LRFN2: variants seen among roughly 807,000 people sequenced by gnomAD.
The protein encoded by LRFN2 is leucine-rich repeat and fibronectin type-III domain-containing protein 2.
In LRFN2, 18 loss-of-function variants were observed where a neutral mutation model predicts 37.3. That is an observed-to-expected ratio of 0.48 (90% CI 0.33 to 0.72). The LOEUF is 0.72. Among genes scored for constraint, LRFN2 ranks in the 30% least tolerant of loss-of-function variants. The pLI is 0.02. For synonymous variants in LRFN2, 556 were observed against 466.6 expected, an observed-to-expected ratio of 1.19 and a Z score of -2.47; for missense variants, 1,006 against 1,060.7, an observed-to-expected ratio of 0.95 and a Z score of 0.72.
intron 1 of LRFN2, among the ~76,000 whole-genome samples, chr6:40,444,039 C>G (rs1244769984): frequency 6.6e-6 from 1 of 152,184 alleles, no homozygotes; most frequent in Non-Finnish European, 1.5e-5. Flanking sequence ...CTGATGCCCC[C>G]CAATGGCCAA....
intron 1 of LRFN2, among the ~76,000 whole-genome samples, chr6:40,522,313 T>A: frequency 6.6e-6 from 1 of 152,134 alleles, no homozygotes; most frequent in East Asian, 1.9e-4. Context: ...AGCAAGGAAG[T>A]TGGGGTATTT....
intron 1 of LRFN2, among the ~76,000 whole-genome samples, chr6:40,480,823 G>A (rs192185327): frequency 8.5e-5 from 13 of 152,250 alleles, no homozygotes; most frequent in Admixed American, 5.9e-4. Context: ...GAATACAAGC[G>A]CTCATTAAAT....
intron 2 of LRFN2, among the ~76,000 whole-genome samples, chr6:40,418,454 C>G (rs1404834520): frequency 6.6e-6 from 1 of 152,170 alleles, no homozygotes; most frequent in Non-Finnish European, 1.5e-5. Context: ...CCACCTCTGC[C>G]TTCCTATCAC....
In LRFN2 at chr6:40,438,713, T is replaced by C. The variant is rs1763755308; in HGVS notation, c.-18-5582A>G. 2.0e-5 allele frequency among the ~76,000 whole-genome samples: 3 copies of C among 152,098 alleles called. No homozygotes were observed. The South Asian group carries it at 6.2e-4, about 32-fold the overall frequency. On this transcript the variant is annotated intron_variant, in intron 1 of 2. Coordinates refer to ENST00000338305, the MANE Select transcript of LRFN2 (RefSeq NM_020737.3). ...CTGTTTGGCTACATGTGGGCACTTGTGTTTCCTGCTTGGGGTTGGGCCTGG... is the reference window on the plus strand; with the variant it reads ...CTGTTTGGCTACATGTGGGCACTTGCGTTTCCTGCTTGGGGTTGGGCCTGG...
intron 1 of LRFN2, among the ~76,000 whole-genome samples, chr6:40,578,844 C>G (rs1056997953): frequency 6.6e-6 from 1 of 152,142 alleles, no homozygotes; most frequent in Non-Finnish European, 1.5e-5. Context: ...ATAACCCACT[C>G]AAGTTCACAC....
chr6:40,540,180 T>A (rs1766525932), intron 1 of LRFN2, among the ~76,000 whole-genome samples: 1 of 152,202 alleles, frequency 6.6e-6, no homozygotes, highest in African/African-American at 2.4e-5. Context: ...TGTGCTTCAG[T>A]GTCCTTGTCA....
chr6:40,394,157 C>T (rs1581672056), intron 2 of LRFN2, among the ~76,000 whole-genome samples: 1 of 151,908 alleles, frequency 6.6e-6, no homozygotes, highest in African/African-American at 2.4e-5. Flanking sequence ...TGTGGCTGGT[C>T]CTCTCCTGCC....
intron 1 of LRFN2, among the ~76,000 whole-genome samples, chr6:40,553,625 C>A (rs909430569): frequency 1.3e-5 from 2 of 152,172 alleles, no homozygotes; most frequent in African/African-American, 2.4e-5. Flanking sequence ...CAGCACATAG[C>A]AAATGCTCAG....
chr6:40,443,196 C>G (rs1230055089), intron 1 of LRFN2, among the ~76,000 whole-genome samples: 1 of 152,120 alleles, frequency 6.6e-6, no homozygotes, highest in East Asian at 1.9e-4. Flanking sequence ...GGACAGAATC[C>G]TCACCTGTTG....
chr6:40,425,135 G>A (rs1476433422), intron 2 of LRFN2, among the ~76,000 whole-genome samples: 2 of 152,232 alleles, frequency 1.3e-5, no homozygotes, highest in East Asian at 3.9e-4. Flanking sequence ...GACAGGACAT[G>A]TGTCTAACAA....
chr6:40,557,206 A>G (rs1192638360), intron 1 of LRFN2, among the ~76,000 whole-genome samples: 3 of 152,224 alleles, frequency 2.0e-5, no homozygotes, highest in Non-Finnish European at 4.4e-5. Flanking sequence ...TGAGTCCAGC[A>G]CATGGCCCAC....
At chr6:40,567,681 A>T (rs1345908450) in intron 1 of LRFN2, among the ~76,000 whole-genome samples, 1 of 152,228 alleles carries the variant, frequency 6.6e-6, no homozygotes, top group Non-Finnish European at 1.5e-5. Context: ...AGCATTGACT[A>T]TGGACATGTT....
At chr6:40,402,782 A>T (rs1023087202) in intron 2 of LRFN2, among the ~76,000 whole-genome samples, 1 of 152,230 alleles carries the variant, frequency 6.6e-6, no homozygotes, top group African/African-American at 2.4e-5. Context: ...GGCAGTGGTT[A>T]ACTGAACTGC....
At chr6:40,531,220 G>C (rs1203387441) in intron 1 of LRFN2, among the ~76,000 whole-genome samples, 1 of 152,160 alleles carries the variant, frequency 6.6e-6, no homozygotes, top group Non-Finnish European at 1.5e-5. Context: ...ACAATATTTA[G>C]TCTTTGATGC....
chr6:40,428,628 A>G (rs1375504838), intron 2 of LRFN2, among the ~76,000 whole-genome samples: 1 of 152,196 alleles, frequency 6.6e-6, no homozygotes, highest in Non-Finnish European at 1.5e-5. Flanking sequence ...TTCAAATCAC[A>G]GCCCTGCCTC....
chr6:40,438,324 G>GGTGAGTGCCACCATAATTGCACAA (rs1763741809), intron 1 of LRFN2, among the ~76,000 whole-genome samples: 3 of 152,112 alleles, frequency 2.0e-5, no homozygotes, highest in Non-Finnish European at 2.9e-5. Flanking sequence ...AACCCCACAA[G>GGTGAGTGCCACCATAATTGCACAA]GTGAGTGCCA....
chr6:40,507,418 A>G (rs916211831), intron 1 of LRFN2, among the ~76,000 whole-genome samples: 3 of 152,198 alleles, frequency 2.0e-5, no homozygotes, highest in Non-Finnish European at 4.4e-5. Context: ...GTCTCGTTTA[A>G]TCTTCACAAT....
chr6:40,501,977 C>T (rs1426933882), intron 1 of LRFN2, among the ~76,000 whole-genome samples: 2 of 152,284 alleles, frequency 1.3e-5, no homozygotes, highest in African/African-American at 4.8e-5. Flanking sequence ...CACCCTGTAC[C>T]AAGCCCAGTG....
intron 1 of LRFN2, among the ~76,000 whole-genome samples, chr6:40,585,325 C>T (rs1056522069): frequency 5.3e-5 from 8 of 152,184 alleles, no homozygotes; most frequent in Non-Finnish European, 1.2e-4. Context: ...GGAGATGCAA[C>T]TCTGCACTCC....
Sources: gnomAD v4.1 joint callset for allele counts (sites outside exome capture counted in the v4.1 genomes callset) on GRCh38, gnomAD v4.1.1 for gene constraint, MANE v1.5 for transcripts, NCBI Gene and HGNC (gene_info 2026-07-23, HGNC 2026-07-21) for gene names.